DLGAP1: variants seen among roughly 807,000 people sequenced by gnomAD.
The protein encoded by DLGAP1 is DLG associated protein 1, also known as disks large-associated protein 1.
A neutral mutation model predicts 90.8 loss-of-function variants in DLGAP1; 11 were observed. The observed-to-expected ratio is 0.12, with a 90% CI of 0.08 to 0.20. DLGAP1 has a LOEUF of 0.20. Among genes scored for constraint, DLGAP1 ranks in the 10% least tolerant of loss-of-function variants. The probability of loss-of-function intolerance (pLI) is 1.00; values close to 1 mark genes in which losing one functional copy is unlikely to be tolerated. For synonymous variants in DLGAP1, 558 were observed against 540.7 expected (o/e 1.03, Z -0.44); for missense variants, 1,050 against 1,333.8 (o/e 0.79, Z 3.31).
At chr18:4,421,433 T>C (rs1187960959) in intron 1 of DLGAP1, among the ~76,000 whole-genome samples, 1 of 152,144 alleles carries the variant, frequency 6.6e-6, no homozygotes, top group African/African-American at 2.4e-5. Context: ...ATCTTTGCCA[T>C]ATAAGGTAAT....
At chr18:3,950,478 C>T (rs1465904316) in intron 3 of DLGAP1, among the ~76,000 whole-genome samples, 1 of 152,248 alleles carries the variant, frequency 6.6e-6, no homozygotes, top group East Asian at 1.9e-4. Flanking sequence ...GGATTAGCAT[C>T]TTTCTTTCCC....
At chr18:3,845,988 T>G (rs535934131) in intron 4 of DLGAP1, among the ~76,000 whole-genome samples, 29 of 152,148 alleles carry the variant, frequency 1.9e-4, no homozygotes, top group Admixed American at 1.5e-3. Flanking sequence ...ACTTTTCATT[T>G]TTTAAAAAAT....
chr18:3,872,380 CAT>C (rs1222081475), intron 4 of DLGAP1, among the ~76,000 whole-genome samples: 1 of 151,560 alleles, frequency 6.6e-6, no homozygotes, highest in Non-Finnish European at 1.5e-5. Flanking sequence ...AGTTTATAAA[CAT>C]AGAGGACTGG....
chr18:4,362,098 A>G (rs1321143074), intron 1 of DLGAP1, among the ~76,000 whole-genome samples: 2 of 152,190 alleles, frequency 1.3e-5, no homozygotes, highest in African/African-American at 4.8e-5. Flanking sequence ...GTTGGTGAGG[A>G]TGTAGAGAAA....
intron 7 of DLGAP1, chr18:3,607,049 G>C (rs538473419): frequency 5.9e-5 from 9 of 152,176 alleles, no homozygotes; most frequent in African/African-American, 2.2e-4. Context: ...GGCTGGTCTC[G>C]AACTCCTGAC....
At position 3,857,597 on chromosome 18, in the gene DLGAP1, T is replaced by C. The variant is rs529349569; in HGVS notation, c.957+21515A>G. ...CTTGGTAGTTGACTTTGTTAAACTT[T>C]CCCTGTTTCTTGAAATCCTCTTCGT... is the stretch of plus-strand genomic sequence containing the variant. On this transcript the variant is annotated intron_variant, in intron 4 of 12. Coordinates refer to ENST00000315677, the MANE Select transcript of DLGAP1 (RefSeq NM_004746.4). Among the ~76,000 whole-genome samples, 11 of 152,326 alleles carry C rather than the reference T, an allele frequency of 7.2e-5. No individual in the cohort carries two copies. In the South Asian group the frequency reaches 2.3e-3, roughly 32 times the overall value.
chr18:4,377,821 G>T lies in DLGAP1; in HGVS notation c.-267+77185C>A, dbSNP rs567400132. Among the ~76,000 whole-genome samples, 5 of 152,002 alleles carry T rather than the reference G, an allele frequency of 3.3e-5. No individual in the cohort carries two copies. The South Asian group carries it at 1.0e-3, about 32-fold the overall frequency. The stretch of plus-strand genomic sequence containing the variant: ...TAGAGCCTTTTCAGAAGACAACTTG[G>T]CTGTATTAATAAAGAGTATGTACCT... On this transcript the variant is annotated intron_variant, in intron 1 of 12. Coordinates refer to ENST00000315677, the MANE Select transcript of DLGAP1 (RefSeq NM_004746.4).
intron 3 of DLGAP1, among the ~76,000 whole-genome samples, chr18:3,984,589 A>G (rs2073804470): frequency 1.3e-5 from 2 of 152,064 alleles, no homozygotes; most frequent in African/African-American, 4.8e-5. Context: ...GCCATCTTTA[A>G]TGTTCTTTCC....
At chr18:4,146,852 T>A (rs1291213447) in intron 2 of DLGAP1, among the ~76,000 whole-genome samples, 1 of 152,058 alleles carries the variant, frequency 6.6e-6, no homozygotes, top group African/African-American at 2.4e-5. Context: ...AACAAAAAAA[T>A]AAGTGGAAAC....
Position 4,383,149 on chromosome 18 carries a change from C to T in DLGAP1, c.-267+71857G>A, listed in dbSNP as rs557801701. Among the ~76,000 whole-genome samples, 1 of 152,000 alleles carries T rather than the reference C, an allele frequency of 6.6e-6. No homozygotes were observed. Among genetic ancestry groups the T allele is most frequent in the Non-Finnish European group, 1.5e-5 (1 of 68,002 alleles). On this transcript the variant is annotated intron_variant, in intron 1 of 12. Transcript: ENST00000315677. This position sits in a 1 kb window ranked among gnomAD's most constrained non-coding sequence, Gnocchi z 4.0. ...ACTCCTTTTTACAAAAGCTAAATGT[C>T]CTAAGAATTACTGCATCATTATCCA...
At chr18:3,607,816 G>A (rs1386136014) in intron 7 of DLGAP1, 2 of 152,032 alleles carry the variant, frequency 1.3e-5, no homozygotes, top group Non-Finnish European at 2.9e-5. Context: ...GAGTTTTAGG[G>A]GTGGCTAAGC....
Position 4,158,955 on chromosome 18 carries a change from A to T in DLGAP1, c.-266-7668T>A, listed in dbSNP as rs931970353. Among the ~76,000 whole-genome samples, 3 of 152,116 alleles carry T rather than the reference A, an allele frequency of 2.0e-5. 1 individual carries two copies. Among genetic ancestry groups the T allele is most frequent in the Admixed American group, 1.3e-4 (2 of 15,268 alleles). ...AGTCATACCTCAATAAAGCTGTTTT[A>T]AAAAAAGAACCACTTGTTAGGCCTA... On this transcript the variant is annotated intron_variant, in intron 1 of 12. Coordinates refer to ENST00000315677, the MANE Select transcript of DLGAP1 (RefSeq NM_004746.4).
chr18:3,603,400 A>C (rs1421419418), intron 7 of DLGAP1: 1 of 152,130 alleles, frequency 6.6e-6, no homozygotes, highest in Non-Finnish European at 1.5e-5. Context: ...CCTTGGATTT[A>C]AAAAAGAAAC....
At chr18:4,362,845 A>T (rs2081659349) in intron 1 of DLGAP1, among the ~76,000 whole-genome samples, 1 of 152,154 alleles carries the variant, frequency 6.6e-6, no homozygotes, top group Non-Finnish European at 1.5e-5. Flanking sequence ...ACTGAAAGGC[A>T]TTTAATCAAG....
intron 10 of DLGAP1, among the ~76,000 whole-genome samples, chr18:3,521,967 G>A (rs2051221608): frequency 6.6e-6 from 1 of 152,070 alleles, no homozygotes; most frequent in East Asian, 1.9e-4. Flanking sequence ...CTTAGCTGGG[G>A]TATTATTCCT....
At chr18:4,004,244 T>C (rs2149081131) in intron 3 of DLGAP1, among the ~76,000 whole-genome samples, 2 of 152,332 alleles carry the variant, frequency 1.3e-5, no homozygotes, top group Middle Eastern at 6.8e-3. Flanking sequence ...ATTGAGGTAA[T>C]TGAAACACAT....
intron 1 of DLGAP1, among the ~76,000 whole-genome samples, chr18:4,314,271 G>C (rs894550410): frequency 5.3e-5 from 8 of 152,174 alleles, no homozygotes; most frequent in African/African-American, 1.9e-4. Context: ...GACACCAGCT[G>C]CTACTTCTTA....
rs537420758 is a variant in DLGAP1, at chr18:4,084,674, G to A, written c.-159+66506C>T. The stretch of plus-strand genomic sequence containing the variant: ...CCTTTGTCTAATCTTACTTCTCCAC[G>A]ATTATCTACTTATTTACCAAACTTA... On this transcript the variant is annotated intron_variant, in intron 2 of 12. Coordinates refer to ENST00000315677, the MANE Select transcript of DLGAP1 (RefSeq NM_004746.4). The surrounding 1 kb of genome is among the most constrained non-coding windows in gnomAD (Gnocchi z 4.0). Among the ~76,000 whole-genome samples, 1 of 152,108 alleles carries A rather than the reference G, an allele frequency of 6.6e-6. No homozygotes were observed. The highest frequency in any genetic ancestry group is 1.5e-5 in the Non-Finnish European group (1 of 68,022).
At chr18:3,893,000 GCCATCCC>G (rs2071515838) in intron 3 of DLGAP1, among the ~76,000 whole-genome samples, 1 of 151,120 alleles carries the variant, frequency 6.6e-6, no homozygotes, top group African/African-American at 2.4e-5. Flanking sequence ...TTTTAGTGTA[GCCATCCC>G]CCAAAAAGTG....
Sources: gnomAD v4.1 joint callset for allele counts (sites outside exome capture counted in the v4.1 genomes callset) on GRCh38, gnomAD v4.1.1 for gene constraint, Gnocchi (gnomAD v3.1) non-coding constraint, MANE v1.5 for transcripts, NCBI Gene and HGNC (gene_info 2026-07-23, HGNC 2026-07-21) for gene names.